The following TUFT1 variants were observed in gnomAD, a reference collection of about 807,000 sequenced individuals.
TUFT1 encodes tuftelin.
In TUFT1, 43 loss-of-function variants were observed where a neutral mutation model predicts 57.8. That is an observed-to-expected ratio of 0.74 (90% CI 0.58 to 0.96). The LOEUF is 0.96. Among genes scored for constraint, TUFT1 ranks in the 40% least tolerant of loss-of-function variants. The pLI, the probability that TUFT1 is intolerant of heterozygous loss-of-function variation, is 0.00. For synonymous variants in TUFT1, 166 were observed against 176.7 expected (o/e 0.94, Z 0.48); for missense variants, 459 against 489.0 (o/e 0.94, Z 0.58).
At position 151,583,203 on chromosome 1, in the gene TUFT1, G is replaced by A. The variant is rs2102563833; in HGVS notation, c.*1496G>A. 1 of 152,318 alleles carries A rather than the reference G, an allele frequency of 6.6e-6. No individual in the cohort carries two copies. The highest frequency in any genetic ancestry group is 2.1e-4 in the South Asian group (1 of 4,816). The allele number at this position is 152,318 out of a possible 1,614,324, so 9.4% of individuals were successfully genotyped here. On this transcript the variant is annotated 3_prime_UTR_variant, in exon 13 of 13. Coordinates refer to ENST00000368849, the MANE Select transcript of TUFT1 (RefSeq NM_020127.3). Reference sequence around the variant, plus strand: ...CCCACCTCGGCTTCCCAAAGTGCTAGGATTATAGGCTTGAGCTACTGCGCC... The same window carrying A: ...CCCACCTCGGCTTCCCAAAGTGCTAAGATTATAGGCTTGAGCTACTGCGCC...
In TUFT1 at chr1:151,564,541, A is replaced by G. The variant is rs376806067; in HGVS notation, c.341A>G (p.Gln114Arg). ...QYIQEARNCL[Q>R]KLREDISSKL... is the part of the protein sequence containing the mutation. ...CCCTCCCAGGCCAGGAACTGCCTAC[A>G]GAAGCTCCGGGAGGATATAAGTAGC... Residue 114 changes from glutamine to arginine, a missense_variant, in exon 5 of 13, where the codon CAG becomes CGG. Coordinates refer to ENST00000368849, the MANE Select transcript of TUFT1 (RefSeq NM_020127.3). The G allele has an allele frequency of 3.0e-5, 48 of 1,614,004 alleles. No homozygotes were observed. The highest frequency in any genetic ancestry group is 3.3e-4 in the Middle Eastern group (2 of 6,084).
At chr1:151,566,004 C>A in intron 5 of TUFT1, 159 bp from the exon 6 acceptor site, 1 of 429,618 alleles carries the variant, frequency 2.3e-6, no homozygotes, top group Non-Finnish European at 4.3e-6. Flanking sequence ...CTTCCTTTTT[C>A]TCCCTCCCTT....
At chr1:151,569,594 G>GA in intron 6 of TUFT1, 63 bp from the exon 7 acceptor site, 1 of 1,359,872 alleles carries the variant, frequency 7.4e-7, no homozygotes, top group Admixed American at 1.7e-5. Context: ...TGGGAGGGGG[G>GA]ACCTTTTCTT....
intron 8 of TUFT1, 100 bp downstream of exon 8, chr1:151,574,498 C>A: frequency 6.6e-7 from 1 of 1,511,346 alleles, no homozygotes; most frequent in African/African-American, 1.4e-5. Flanking sequence ...TTCCAAGCCT[C>A]TCCAGAAAAG....
At chr1:151,552,859 G>A (rs1046299830) in intron 1 of TUFT1, among the ~76,000 whole-genome samples, 1 of 151,974 alleles carries the variant, frequency 6.6e-6, no homozygotes, top group African/African-American at 2.4e-5. Context: ...TTAAAAGCTA[G>A]CCTTACTGAA....
In TUFT1 at chr1:151,563,984, C is replaced by G; in HGVS notation, c.318C>G (p.Ile106Met). Residue 106 changes from isoleucine to methionine, a missense_variant, in exon 4 of 13, where the codon ATC (isoleucine) becomes ATG (methionine). Coordinates refer to ENST00000368849, the MANE Select transcript of TUFT1 (RefSeq NM_020127.3). ...AGCTGAAGAGTGAGGTCCAGTACAT[C>G]CAGGAGGTGGGCACCCCTTACCTCT... is the stretch of plus-strand genomic sequence containing the variant. ...INQLKSEVQYIQEARNCLQKL... is the reference protein window; with the variant it reads ...INQLKSEVQYMQEARNCLQKL... 1 of 1,613,838 alleles carries G rather than the reference C, an allele frequency of 6.2e-7. No individual in the cohort carries two copies. Among genetic ancestry groups the G allele is most frequent in the African/African-American group, 1.3e-5 (1 of 75,034 alleles).
At chr1:151,581,355 G>A (rs1171031421) in intron 12 of TUFT1, among the ~76,000 whole-genome samples, 1 of 152,096 alleles carries the variant, frequency 6.6e-6, no homozygotes, top group Non-Finnish European at 1.5e-5. Flanking sequence ...TTCAGAAAAG[G>A]ACCCATGATC....
chr1:151,553,927 T>G (rs1327286636), intron 1 of TUFT1, among the ~76,000 whole-genome samples: 2 of 152,254 alleles, frequency 1.3e-5, no homozygotes, highest in African/African-American at 4.8e-5. Flanking sequence ...TTGAACCCCT[T>G]GTCATATGTT....
At chr1:151,542,949 G>T (rs938028200) in intron 1 of TUFT1, among the ~76,000 whole-genome samples, 8 of 152,198 alleles carry the variant, frequency 5.3e-5, no homozygotes, top group Non-Finnish European at 1.0e-4. Flanking sequence ...CATGTGCAAA[G>T]TGAGTCAATA....
chr1:151,562,030 C>T (rs1665912310), intron 1 of TUFT1, 61 bp from the exon 2 acceptor site: 14 of 1,537,144 alleles, frequency 9.1e-6, no homozygotes, highest in Non-Finnish European at 1.3e-5. Flanking sequence ...GTACTGGTAG[C>T]AGTTTGTACC....
At chr1:151,572,023 T>C (rs1282961563) in intron 7 of TUFT1, among the ~76,000 whole-genome samples, 2 of 151,892 alleles carry the variant, frequency 1.3e-5, no homozygotes, top group East Asian at 3.9e-4. Flanking sequence ...CTGGCCAGCA[T>C]AGATCTCATC....
intron 1 of TUFT1, chr1:151,561,473 G>GCGCGCACACACACACACACACA (rs1265237275): frequency 3.2e-6 from 1 of 314,262 alleles, no homozygotes; most frequent in African/African-American, 2.5e-5. Flanking sequence ...GCGCGCGCGC[G>GCGCGCACACACACACACACACA]CACACACACA....
chr1:151,560,319 G>A (rs2102533966), intron 1 of TUFT1, among the ~76,000 whole-genome samples: 1 of 152,106 alleles, frequency 6.6e-6, no homozygotes, highest in South Asian at 2.1e-4. Context: ...GGGAGGCTGA[G>A]GCAGGAGAAT....
At chr1:151,562,280 C>T (rs1441225331) in intron 2 of TUFT1, 115 bp downstream of exon 2, 1 of 921,776 alleles carries the variant, frequency 1.1e-6, no homozygotes, top group Middle Eastern at 3.4e-4. Context: ...CGTGGGAGCC[C>T]CTCCTTTCAG....
chr1:151,581,571 AG>A, intron 12 of TUFT1, 72 bp from the exon 13 acceptor site: 1 of 1,477,780 alleles, frequency 6.8e-7, no homozygotes, highest in Non-Finnish European at 9.4e-7. Flanking sequence ...TGAAGATTCC[AG>A]GGGCTCTGTG....
At chr1:151,557,749 G>A in intron 1 of TUFT1, 1 of 777,032 alleles carries the variant, frequency 1.3e-6, no homozygotes. Flanking sequence ...GAGACTGGAA[G>A]TCCTCAGCCT....
chr1:151,567,014 G>T (rs1379881179), intron 6 of TUFT1, among the ~76,000 whole-genome samples: 1 of 152,038 alleles, frequency 6.6e-6, no homozygotes, highest in Non-Finnish European at 1.5e-5. Flanking sequence ...GACCCCCGGG[G>T]TTCAAGCAAT....
rs1428443809 is a variant in TUFT1, at chr1:151,547,315, T to A, written c.60+6889T>A. ...AACATTTGCCCATAGTTCTCCAGGG[T>A]GGAGGGGGGCGTGCACCCAGATGGT... On this transcript the variant is annotated intron_variant, in intron 1 of 12. Coordinates refer to ENST00000368849, the MANE Select transcript of TUFT1 (RefSeq NM_020127.3). Among the ~76,000 whole-genome samples, 4 of 152,182 alleles carry A rather than the reference T, an allele frequency of 2.6e-5. No homozygotes were observed. In the East Asian group the frequency reaches 5.8e-4, roughly 22 times the overall value.
intron 1 of TUFT1, among the ~76,000 whole-genome samples, chr1:151,552,425 C>T (rs1033321514): frequency 7.9e-5 from 12 of 152,120 alleles, no homozygotes; most frequent in Non-Finnish European, 1.2e-4. Context: ...GAAAAAGGCC[C>T]GGGCGCGGTG....
Sources: allele counts gnomAD v4.1 joint callset (sites outside exome capture counted in the v4.1 genomes callset), GRCh38; gene constraint gnomAD v4.1.1; transcripts MANE v1.5; gene names NCBI Gene and HGNC (gene_info 2026-07-23, HGNC 2026-07-21).